The following ANTXR1 variants were observed in gnomAD, a reference collection of about 807,000 sequenced individuals.
ANTXR1 encodes the protein ANTXR cell adhesion molecule 1.
ANTXR1 carries 19 observed loss-of-function variants against 78.1 expected under a neutral mutation model. The ratio of observed to expected loss-of-function variants is 0.24; its 90% CI spans 0.17 to 0.36. The LOEUF is 0.36. Among genes scored for constraint, ANTXR1 ranks in the 10% least tolerant of loss-of-function variants. The pLI, the probability that ANTXR1 is intolerant of heterozygous loss-of-function variation, is 1.00. For synonymous variants in ANTXR1, 273 were observed against 260.5 expected (o/e 1.05, Z -0.46); for missense variants, 518 against 718.6 (o/e 0.72, Z 3.19).
intron 3 of ANTXR1, among the ~76,000 whole-genome samples, chr2:69,050,384 A>G (rs548782274): frequency 6.6e-6 from 1 of 151,922 alleles, no homozygotes; most frequent in Non-Finnish European, 1.5e-5. Context: ...ATGGTTTGCT[A>G]TGTTTTTATT....
At chr2:69,158,452 C>T (rs962562333) in intron 13 of ANTXR1, among the ~76,000 whole-genome samples, 5 of 152,146 alleles carry the variant, frequency 3.3e-5, no homozygotes, top group African/African-American at 1.2e-4. Context: ...GTTTCCATGG[C>T]GTTTTTCTCA....
intron 14 of ANTXR1, among the ~76,000 whole-genome samples, chr2:69,175,632 AAAG>A (rs1265833741): frequency 6.6e-6 from 1 of 152,132 alleles, no homozygotes; most frequent in Non-Finnish European, 1.5e-5. Flanking sequence ...TCTTCCAAAA[AAAG>A]AAGAATGTGT....
chr2:69,046,380 G>C (rs1426074168), intron 3 of ANTXR1, among the ~76,000 whole-genome samples: 2 of 152,276 alleles, frequency 1.3e-5, no homozygotes, highest in African/African-American at 2.4e-5. Context: ...GGTTTGTTAT[G>C]CTTGTTGGAA....
At chr2:69,115,513 A>G (rs75596826) in intron 10 of ANTXR1, among the ~76,000 whole-genome samples, 2,406 of 152,342 alleles carry the variant, frequency 0.016, 74 homozygotes, top group African/African-American at 0.055. Flanking sequence ...ATTATAGATG[A>G]CAATTTTGAG....
chr2:69,055,510 G>A (rs1470245719), intron 3 of ANTXR1, among the ~76,000 whole-genome samples: 1 of 152,164 alleles, frequency 6.6e-6, no homozygotes, highest in Non-Finnish European at 1.5e-5. Flanking sequence ...TGTGAGAGTA[G>A]TGTAGTCCAC....
chr2:69,111,774 C>T (rs1031459191), intron 10 of ANTXR1, among the ~76,000 whole-genome samples: 8 of 152,206 alleles, frequency 5.3e-5, no homozygotes, highest in Admixed American at 2.0e-4. Flanking sequence ...CTCATTCGAA[C>T]GTAGACGTTC....
intron 12 of ANTXR1, among the ~76,000 whole-genome samples, chr2:69,147,681 A>G (rs1673266388): frequency 6.6e-6 from 1 of 152,266 alleles, no homozygotes; most frequent in Non-Finnish European, 1.5e-5. Context: ...GTTGGGGGTC[A>G]AGGTTCTAAA....
intron 13 of ANTXR1, among the ~76,000 whole-genome samples, chr2:69,169,680 GAAA>G (rs1158477955): frequency 6.6e-6 from 1 of 152,232 alleles, no homozygotes; most frequent in Non-Finnish European, 1.5e-5. Context: ...TCAGTGCCCT[GAAA>G]GAAATCCCTG....
rs968386401 is a variant in ANTXR1 at position 69,013,446 on chromosome 2, C to G, written c.-54C>G. 1.3e-6 allele frequency: 2 copies of G among 1,572,736 alleles called. No homozygotes were observed. Among genetic ancestry groups the G allele is most frequent in the African/African-American group, 2.7e-5 (2 of 74,644 alleles). On this transcript the variant is annotated 5_prime_UTR_variant, in exon 1 of 18. Transcript: ENST00000303714. This position sits in a 1 kb window ranked among gnomAD's most constrained non-coding sequence, Gnocchi z 5.0. Reference sequence around the variant, plus strand: ...GATGGCGCGTCCCTGAGGGTCGTGGCGAGTTCGCGGAGCGTGGGAAGGAGC... The same window carrying G: ...GATGGCGCGTCCCTGAGGGTCGTGGGGAGTTCGCGGAGCGTGGGAAGGAGC...
intron 9 of ANTXR1, among the ~76,000 whole-genome samples, chr2:69,097,478 C>A (rs1051110465): frequency 1.3e-5 from 2 of 152,216 alleles, no homozygotes; most frequent in African/African-American, 4.8e-5. Context: ...CACATTCAAG[C>A]AACATCAGAT....
At chr2:69,115,305 A>C (rs893533628) in intron 10 of ANTXR1, among the ~76,000 whole-genome samples, 5 of 152,204 alleles carry the variant, frequency 3.3e-5, no homozygotes, top group Admixed American at 2.6e-4. Context: ...CCCTGATACA[A>C]CCTAACAGAC....
intron 10 of ANTXR1, among the ~76,000 whole-genome samples, chr2:69,112,099 G>A (rs556990516): frequency 6.6e-6 from 1 of 152,302 alleles, no homozygotes; most frequent in Admixed American, 6.5e-5. Context: ...ACGTAAAGGA[G>A]CGTACAGTCT....
intron 1 of ANTXR1, among the ~76,000 whole-genome samples, chr2:69,028,774 G>A (rs1671432552): frequency 6.6e-6 from 1 of 151,856 alleles, no homozygotes; most frequent in African/African-American, 2.4e-5. Flanking sequence ...AAGCTTTGGG[G>A]GAAAAAAATA....
At chr2:69,162,662 A>C (rs1673712389) in intron 13 of ANTXR1, among the ~76,000 whole-genome samples, 1 of 152,198 alleles carries the variant, frequency 6.6e-6, no homozygotes, top group South Asian at 2.1e-4. Context: ...TGGAAAGCAC[A>C]AAAGACCAGA....
At position 69,145,245 on chromosome 2, in the gene ANTXR1, G is replaced by C. The variant is rs1673189733; in HGVS notation, c.952-6924G>C. 3 of 1,410,908 alleles carry C rather than the reference G, an allele frequency of 2.1e-6. No homozygotes were observed. In the East Asian group the frequency reaches 7.5e-5, roughly 35 times the overall value. The allele number at this position is 1,410,908 out of a possible 1,614,324, so 87.4% of individuals were successfully genotyped here. A position where few individuals can be genotyped will look rare whatever the true frequency, so the allele number is the denominator to read the frequency against. ...AACTTTAGGGACCCTCACTTGCATG[G>C]GTCCCTGCTAGGCCCTTCTAAGGCC... On this transcript the variant is annotated intron_variant, in intron 12 of 17. Coordinates refer to ENST00000303714, the MANE Select transcript of ANTXR1 (RefSeq NM_032208.3).
In ANTXR1 at chr2:69,013,463, G is replaced by A. The variant is rs964824118; in HGVS notation, c.-37G>A. The A allele has an allele frequency of 5.1e-6, 8 of 1,580,756 alleles. No individual in the cohort carries two copies. The African/African-American group carries it at 1.1e-4, about 21-fold the overall frequency. On this transcript the variant is annotated 5_prime_UTR_variant, in exon 1 of 18. Coordinates refer to ENST00000303714, the MANE Select transcript of ANTXR1 (RefSeq NM_032208.3). The surrounding 1 kb of genome is among the most constrained non-coding windows in gnomAD (Gnocchi z 5.0). ...GGTCGTGGCGAGTTCGCGGAGCGTGGGAAGGAGCGGACCCTGCTCTCCCCG... is the reference window on the plus strand; with the variant it reads ...GGTCGTGGCGAGTTCGCGGAGCGTGAGAAGGAGCGGACCCTGCTCTCCCCG...
rs1318655056 is a variant in ANTXR1, at chr2:69,125,710, G to A, written c.951+1067G>A. Among the ~76,000 whole-genome samples the A allele has an allele frequency of 3.3e-5, 5 of 152,178 alleles. No homozygotes were observed. In the East Asian group the frequency reaches 5.8e-4, roughly 18 times the overall value. ...ACAAAAATTAGCTGGGCATGATGTCGCACACCTGTAGTCCTAGCTACTCAG... is the reference window on the plus strand; with the variant it reads ...ACAAAAATTAGCTGGGCATGATGTCACACACCTGTAGTCCTAGCTACTCAG... On this transcript the variant is annotated intron_variant, in intron 12 of 17. Transcript: ENST00000303714.
At chr2:69,156,788 A>G (rs1558607216) in intron 13 of ANTXR1, among the ~76,000 whole-genome samples, 1 of 152,134 alleles carries the variant, frequency 6.6e-6, no homozygotes, top group African/African-American at 2.4e-5. Context: ...GAGAAACCCC[A>G]CCGCCATGAT....
chr2:69,228,653 G>T (rs1171167229), intron 17 of ANTXR1, among the ~76,000 whole-genome samples: 2 of 152,196 alleles, frequency 1.3e-5, no homozygotes, highest in Non-Finnish European at 2.9e-5. Context: ...CTGGCATAGG[G>T]TAAGCACTCA....
Sources: allele counts gnomAD v4.1 joint callset (sites outside exome capture counted in the v4.1 genomes callset), GRCh38; gene constraint gnomAD v4.1.1; non-coding constraint Gnocchi (gnomAD v3.1); transcripts MANE v1.5; gene names NCBI Gene and HGNC (gene_info 2026-07-23, HGNC 2026-07-21).